RNLS: variants seen among roughly 807,000 people sequenced by gnomAD.
RNLS encodes the protein renalase.
Under a neutral mutation model 39.8 loss-of-function variants are expected in RNLS, and 39 were observed. The ratio of observed to expected loss-of-function variants is 0.98; its 90% CI spans 0.76 to 1.28. RNLS has a LOEUF of 1.28. Among genes scored for constraint, RNLS ranks in the 50% most tolerant of loss-of-function variants. The pLI, the probability that RNLS is intolerant of heterozygous loss-of-function variation, is 0.00. For missense variants in RNLS, 410 were observed against 413.3 expected, an observed-to-expected ratio of 0.99 and a Z score of 0.07; for synonymous variants, 147 against 150.7, an observed-to-expected ratio of 0.98 and a Z score of 0.18.
the RNLS span, among the ~76,000 whole-genome samples, chr10:88,193,287 T>C: frequency 6.6e-6 from 1 of 152,010 alleles, no homozygotes; most frequent in African/African-American, 2.4e-5. Context: ...CCGAGAACTG[T>C]TTAGAGCTAC....
chr10:88,573,722 C>A (rs748386185), intron 3 of RNLS, among the ~76,000 whole-genome samples: 6 of 152,100 alleles, frequency 3.9e-5, no homozygotes, highest in Non-Finnish European at 8.8e-5. Context: ...ATAATTATTT[C>A]TTTAATATTG....
intron 4 of RNLS, among the ~76,000 whole-genome samples, chr10:88,419,321 A>G (rs1203680368): frequency 6.6e-6 from 1 of 152,204 alleles, no homozygotes. Context: ...AAAGGAATCT[A>G]GAAACATAAT....
chr10:88,467,813 T>C (rs1396678941), intron 4 of RNLS, among the ~76,000 whole-genome samples: 1 of 152,174 alleles, frequency 6.6e-6, no homozygotes, highest in East Asian at 1.9e-4. Context: ...GTGGGGACCA[T>C]GGACCAGCAA....
Position 88,362,691 on chromosome 10 carries a change from A to G in RNLS, c.561T>C (p.Ala187=). The change falls in exon 5 of 7, where the codon GCT becomes GCC. Residue 187 remains alanine (A), a synonymous_variant. Coordinates refer to ENST00000331772, the MANE Select transcript of RNLS (RefSeq NM_001031709.3). ...ISECQRQQLE[A]VSYSSRYALG... is the part of the protein sequence containing the mutation. ...GAGCATATCGAGAGGAGTAGCTCAC[A>G]GCCTCCAGTTGCTGCCTTTGGCATT... The G allele has an allele frequency of 1.2e-6, 2 of 1,613,810 alleles. No individual in the cohort carries two copies. The highest frequency in any genetic ancestry group is 1.7e-6 in the Non-Finnish European group (2 of 1,179,872).
Position 88,474,332 on chromosome 10 carries a change from G to A in RNLS, c.526+98571C>T, listed in dbSNP as rs558596928. 1.1e-3 allele frequency among the ~76,000 whole-genome samples: 170 copies of A among 152,228 alleles called. 1 individual carries two copies. Among genetic ancestry groups the A allele is most frequent in the Admixed American group, 2.4e-3 (36 of 15,280 alleles). ...TCCATTATCATTGTTTCTGAATGGGGCATAATTGGCATTTGAGGCAGGAGA... is the reference window on the plus strand; with the variant it reads ...TCCATTATCATTGTTTCTGAATGGGACATAATTGGCATTTGAGGCAGGAGA... On this transcript the variant is annotated intron_variant, in intron 4 of 6. Coordinates refer to ENST00000331772, the MANE Select transcript of RNLS (RefSeq NM_001031709.3).
intron 4 of RNLS, among the ~76,000 whole-genome samples, chr10:88,365,397 T>A (rs887728860): frequency 2.6e-5 from 4 of 151,702 alleles, no homozygotes; most frequent in African/African-American, 9.7e-5. Flanking sequence ...TTTCTTATCA[T>A]GTTTTCAAAT....
the RNLS span, among the ~76,000 whole-genome samples, chr10:88,176,802 TCA>T: frequency 6.6e-6 from 1 of 152,326 alleles, no homozygotes; most frequent in Non-Finnish European, 1.5e-5. Context: ...ATGAATTCCC[TCA>T]GAGTTTGCTT....
At chr10:88,495,342 T>A (rs1473103106) in intron 4 of RNLS, among the ~76,000 whole-genome samples, 2 of 152,144 alleles carry the variant, frequency 1.3e-5, no homozygotes, top group African/African-American at 4.8e-5. Context: ...GTTATCTCCA[T>A]CTTTAGCTGC....
intron 4 of RNLS, among the ~76,000 whole-genome samples, chr10:88,434,433 G>A (rs1855334328): frequency 6.6e-6 from 1 of 152,144 alleles, no homozygotes; most frequent in South Asian, 2.1e-4. Flanking sequence ...GCAGTGTGGA[G>A]GCAAAGCTTT....
chr10:88,488,999 T>C (rs1442371529), intron 4 of RNLS, among the ~76,000 whole-genome samples: 3 of 152,230 alleles, frequency 2.0e-5, no homozygotes, highest in Non-Finnish European at 4.4e-5. Context: ...AGGATCATTA[T>C]CTGTAATAAG....
chr10:88,478,715 T>C (rs1015678511), intron 4 of RNLS, among the ~76,000 whole-genome samples: 6 of 152,156 alleles, frequency 3.9e-5, no homozygotes, highest in Admixed American at 1.3e-4. Flanking sequence ...ACTTATAATA[T>C]ACTCTGTACC....
At chr10:88,433,014 A>G (rs903193617) in intron 4 of RNLS, among the ~76,000 whole-genome samples, 3 of 152,022 alleles carry the variant, frequency 2.0e-5, no homozygotes, top group Non-Finnish European at 2.9e-5. Flanking sequence ...GTGTTTACTC[A>G]GGCAAAAGAT....
the RNLS span, among the ~76,000 whole-genome samples, chr10:88,178,458 C>T: frequency 6.6e-6 from 1 of 152,080 alleles, no homozygotes; most frequent in African/African-American, 2.4e-5. Context: ...TGAGGACTCT[C>T]CTGTAGTTAT....
At chr10:88,243,041 C>T in the RNLS span, among the ~76,000 whole-genome samples, 1 of 152,208 alleles carries the variant, frequency 6.6e-6, no homozygotes. Context: ...TCAAGCGGAA[C>T]ATTGATCAGT....
chr10:88,399,258 T>C (rs1852761469), intron 4 of RNLS, among the ~76,000 whole-genome samples: 1 of 152,014 alleles, frequency 6.6e-6, no homozygotes, highest in Admixed American at 6.6e-5. Flanking sequence ...TATAACTTAG[T>C]GATTTCACTC....
intron 4 of RNLS, among the ~76,000 whole-genome samples, chr10:88,428,054 A>G (rs1447869967): frequency 3.2e-4 from 49 of 151,952 alleles, no homozygotes; most frequent in Non-Finnish European, 5.9e-5. Context: ...AAAAGACTAG[A>G]GGTTTAAAGG....
chr10:88,351,876 T>C (rs1848739366), intron 5 of RNLS, among the ~76,000 whole-genome samples: 1 of 152,230 alleles, frequency 6.6e-6, no homozygotes, highest in African/African-American at 2.4e-5. Flanking sequence ...CTCTTTTATT[T>C]TGTTGAGTAG....
chr10:88,519,343 A>T (rs964014632), intron 4 of RNLS, among the ~76,000 whole-genome samples: 1 of 151,898 alleles, frequency 6.6e-6, no homozygotes, highest in Non-Finnish European at 1.5e-5. Flanking sequence ...ATGTAATCTC[A>T]TTTATTAGAC....
At chr10:88,393,139 G>T (rs1852316279) in intron 4 of RNLS, among the ~76,000 whole-genome samples, 1 of 152,122 alleles carries the variant, frequency 6.6e-6, no homozygotes, top group Admixed American at 6.5e-5. Flanking sequence ...CACAAGACAG[G>T]GATGCCCTCT....
Sources: gnomAD v4.1 joint callset for allele counts (sites outside exome capture counted in the v4.1 genomes callset) on GRCh38, gnomAD v4.1.1 for gene constraint, MANE v1.5 for transcripts, NCBI Gene and HGNC (gene_info 2026-07-23, HGNC 2026-07-21) for gene names.